Variants in BLK observed in about 807,000 individuals in gnomAD.
The protein encoded by BLK is tyrosine-protein kinase Blk.
Under a neutral mutation model 61.8 loss-of-function variants are expected in BLK, and 64 were observed. The ratio of observed to expected loss-of-function variants is 1.03; its 90% CI spans 0.85 to 1.27. The LOEUF (loss-of-function observed/expected upper bound fraction) is 1.27. Ranked by LOEUF, BLK falls within the 50% of genes most tolerant of loss-of-function variation. BLK has a pLI of 0.00. For synonymous variants in BLK, 351 were observed against 272.0 expected (o/e 1.29, Z -2.86); for missense variants, 853 against 660.5 (o/e 1.29, Z -3.19).
At chr8:11,545,994 CA>C (rs1191187373) in intron 2 of BLK, 57 bp from the exon 3 acceptor site, 8 of 1,584,610 alleles carry the variant, frequency 5.0e-6, no homozygotes, top group Non-Finnish European at 6.9e-6. Flanking sequence ...TCTCAACCCC[CA>C]GGCCCCACCC....
chr8:11,496,400 G>A (rs1798359762), intron 1 of BLK, among the ~76,000 whole-genome samples: 1 of 152,064 alleles, frequency 6.6e-6, no homozygotes, highest in South Asian at 2.1e-4. Context: ...ACTGTATCTG[G>A]CTAATTTTTT....
intron 3 of BLK, 63 bp from the exon 4 acceptor site, chr8:11,547,969 C>T (rs1800718768): frequency 2.8e-6 from 4 of 1,432,792 alleles, no homozygotes; most frequent in South Asian, 1.1e-5. Context: ...GCCAGGCTCA[C>T]CCCAGCCCCA....
At chr8:11,549,974 G>C (rs558718826) in intron 5 of BLK, 185 bp from the exon 6 acceptor site, 158 of 659,192 alleles carry the variant, frequency 2.4e-4, no homozygotes, top group Middle Eastern at 2.0e-3. Context: ...AGCGGAACTG[G>C]AAGGGCAGCG....
At chr8:11,531,436 G>C (rs1799882951) in intron 1 of BLK, among the ~76,000 whole-genome samples, 2 of 152,110 alleles carry the variant, frequency 1.3e-5, no homozygotes, top group African/African-American at 4.8e-5. Context: ...TATCCTTTGT[G>C]ACACCAAGGT....
At chr8:11,523,592 C>T (rs370023226) in intron 1 of BLK, among the ~76,000 whole-genome samples, 2 of 151,882 alleles carry the variant, frequency 1.3e-5, no homozygotes, top group Admixed American at 1.3e-4. Context: ...AAAGCATAAC[C>T]TAAATTAAGA....
chr8:11,549,201 C>G, intron 5 of BLK, 79 bp downstream of exon 5: 1 of 1,327,560 alleles, frequency 7.5e-7, no homozygotes, highest in Admixed American at 2.0e-5. Context: ...CAGGGCAGGG[C>G]CAGAGTGGGA....
At chr8:11,536,182 A>T (rs1258445464) in intron 1 of BLK, among the ~76,000 whole-genome samples, 1 of 152,240 alleles carries the variant, frequency 6.6e-6, no homozygotes, top group African/African-American at 2.4e-5. Context: ...TTATGTGAGC[A>T]AATGTCTCCA....
intron 1 of BLK, among the ~76,000 whole-genome samples, chr8:11,542,003 T>G (rs561647509): frequency 6.6e-5 from 10 of 152,220 alleles, no homozygotes; most frequent in Non-Finnish European, 1.5e-4. Context: ...AAAACATACT[T>G]GTGAATTTTT....
chr8:11,553,263 T>G, intron 6 of BLK: 1 of 248,134 alleles, frequency 4.0e-6, no homozygotes, highest in Non-Finnish European at 8.3e-6. Flanking sequence ...CTGGTGTCTA[T>G]GTGAGGATAG....
At chr8:11,533,251 C>A (rs1799966072) in intron 1 of BLK, among the ~76,000 whole-genome samples, 1 of 152,158 alleles carries the variant, frequency 6.6e-6, no homozygotes, top group Non-Finnish European at 1.5e-5. Context: ...TTTTCTTTTT[C>A]TTTCTTTAAC....
At chr8:11,507,606 G>A (rs766162247) in intron 1 of BLK, among the ~76,000 whole-genome samples, 3 of 152,238 alleles carry the variant, frequency 2.0e-5, no homozygotes, top group Non-Finnish European at 2.9e-5. Flanking sequence ...CCAAGCACTT[G>A]GAATTTAGAA....
At chr8:11,502,814 G>A (rs1036201703) in intron 1 of BLK, among the ~76,000 whole-genome samples, 1 of 152,052 alleles carries the variant, frequency 6.6e-6, no homozygotes, top group African/African-American at 2.4e-5. Flanking sequence ...CCTGAGTCCC[G>A]AGCCTGACAG....
At chr8:11,557,406 G>T (rs1483014382) in intron 9 of BLK, among the ~76,000 whole-genome samples, 1 of 152,176 alleles carries the variant, frequency 6.6e-6, no homozygotes, top group Non-Finnish European at 1.5e-5. Context: ...TCACCAAGGG[G>T]CCCCCGGTCG....
chr8:11,555,846 C>T (rs1374333036), intron 8 of BLK: 1 of 365,242 alleles, frequency 2.7e-6, no homozygotes, highest in Non-Finnish European at 5.3e-6. Context: ...ACGTGATGAG[C>T]CATGATGTTC....
At chr8:11,557,619 C>T (rs761896514) in intron 9 of BLK, among the ~76,000 whole-genome samples, 15 of 152,056 alleles carry the variant, frequency 9.9e-5, no homozygotes, top group Non-Finnish European at 1.5e-4. Flanking sequence ...GAGGCCAACA[C>T]GGGGGGAAAG....
At chr8:11,496,647 C>G (rs1019485899) in intron 1 of BLK, among the ~76,000 whole-genome samples, 1 of 152,168 alleles carries the variant, frequency 6.6e-6, no homozygotes, top group Non-Finnish European at 1.5e-5. Context: ...TCCTGGCACC[C>G]CAAGCACAGG....
In BLK at chr8:11,546,256, G is replaced by A. The variant is rs183422646; in HGVS notation, c.175+153G>A. ...GAGAGGCCCCGGCTCTGTGCCTCTT[G>A]GGGCGTCTCTTCAGGAACCAAGAAC... On this transcript the variant is annotated intron_variant, in intron 3 of 12. Coordinates refer to ENST00000259089, the MANE Select transcript of BLK (RefSeq NM_001715.3). 4.4e-3 allele frequency among the ~76,000 whole-genome samples: 665 copies of A among 152,280 alleles called. 8 individuals carry two copies. The highest frequency in any genetic ancestry group is 0.014 in the African/African-American group (573 of 41,552).
chr8:11,536,843 C>T (rs1433010358), intron 1 of BLK, among the ~76,000 whole-genome samples: 1 of 152,226 alleles, frequency 6.6e-6, no homozygotes, highest in Non-Finnish European at 1.5e-5. Context: ...GCTGAGCTCA[C>T]AAAACACTTT....
At chr8:11,501,961 A>C (rs796624058) in intron 1 of BLK, among the ~76,000 whole-genome samples, 15 of 152,376 alleles carry the variant, frequency 9.8e-5, no homozygotes, top group African/African-American at 3.6e-4. Context: ...TAAGCATAGA[A>C]AATCCATGAA....
Sources: allele counts gnomAD v4.1 joint callset (sites outside exome capture counted in the v4.1 genomes callset), GRCh38; gene constraint gnomAD v4.1.1; transcripts MANE v1.5; gene names NCBI Gene and HGNC (gene_info 2026-07-23, HGNC 2026-07-21).